GPC5: variants seen among roughly 807,000 people sequenced by gnomAD.
GPC5 encodes glypican-5.
In GPC5, 47 loss-of-function variants were observed where a neutral mutation model predicts 53.9. The observed-to-expected ratio is 0.87, with a 90% CI of 0.69 to 1.11. GPC5 has a LOEUF of 1.11. Ranked by LOEUF, GPC5 falls within the 50% of genes most tolerant of loss-of-function variation. The probability of loss-of-function intolerance (pLI) is 0.00; values close to 1 mark genes in which losing one functional copy is unlikely to be tolerated. For missense variants in GPC5, 748 were observed against 713.1 expected, an observed-to-expected ratio of 1.05 and a Z score of -0.56; for synonymous variants, 286 against 263.3, an observed-to-expected ratio of 1.09 and a Z score of -0.84.
chr13:92,155,742 AT>A (rs2041939987), intron 7 of GPC5, among the ~76,000 whole-genome samples: 1 of 146,826 alleles, frequency 6.8e-6, no homozygotes, highest in Non-Finnish European at 1.5e-5. Flanking sequence ...TTTTGAAGGA[AT>A]TTACATTCTT....
In GPC5 at chr13:92,228,836, T is replaced by A. The variant is rs776223286; in HGVS notation, c.1561+83847T>A. Among the ~76,000 whole-genome samples the A allele has an allele frequency of 4.9e-4, 75 of 152,156 alleles. 1 individual carries two copies. The highest frequency in any genetic ancestry group is 5.4e-4 in the Non-Finnish European group (37 of 68,026). On this transcript the variant is annotated intron_variant, in intron 7 of 7. Transcript: ENST00000377067. ...AAAATAACCAAGCATGGTCCCAGGATAATGTTAACTCCAAGGGAGGTAACC... is the reference window on the plus strand; with the variant it reads ...AAAATAACCAAGCATGGTCCCAGGAAAATGTTAACTCCAAGGGAGGTAACC...
At chr13:92,351,602 G>A (rs551483017) in intron 7 of GPC5, among the ~76,000 whole-genome samples, 1 of 152,046 alleles carries the variant, frequency 6.6e-6, no homozygotes, top group East Asian at 1.9e-4. Context: ...AAACAAAAAA[G>A]AATCCACCTA....
intron 2 of GPC5, among the ~76,000 whole-genome samples, chr13:91,628,291 A>G (rs890792793): frequency 4.6e-5 from 7 of 152,130 alleles, no homozygotes; most frequent in African/African-American, 1.7e-4. Flanking sequence ...ACAATAGTTT[A>G]TAATAATTAC....
intron 7 of GPC5, among the ~76,000 whole-genome samples, chr13:92,145,787 G>A (rs998996231): frequency 6.6e-6 from 1 of 152,084 alleles, no homozygotes; most frequent in African/African-American, 2.4e-5. Context: ...CAAAGGCAGG[G>A]GTCACCTTCT....
intron 7 of GPC5, among the ~76,000 whole-genome samples, chr13:92,737,194 G>A (rs755423933): frequency 1.3e-5 from 2 of 151,912 alleles, no homozygotes; most frequent in Non-Finnish European, 2.9e-5. Context: ...ATCTCTTTAT[G>A]TCTATCACCT....
chr13:92,284,788 C>G (rs2042941941), intron 7 of GPC5, among the ~76,000 whole-genome samples: 1 of 152,132 alleles, frequency 6.6e-6, no homozygotes, highest in Non-Finnish European at 1.5e-5. Flanking sequence ...CAATATCATA[C>G]TGAATGGGCA....
At chr13:91,848,452 G>A (rs1293770175) in intron 5 of GPC5, among the ~76,000 whole-genome samples, 3 of 152,186 alleles carry the variant, frequency 2.0e-5, no homozygotes, top group East Asian at 3.9e-4. Context: ...AATGCAGTGG[G>A]ATAGACATAC....
At chr13:92,156,359 TG>T (rs2138999807) in intron 7 of GPC5, among the ~76,000 whole-genome samples, 1 of 152,290 alleles carries the variant, frequency 6.6e-6, no homozygotes, top group Non-Finnish European at 1.5e-5. Flanking sequence ...ATTATTAGTG[TG>T]GGCATAAATG....
chr13:92,740,936 G>A (rs1160036875), intron 7 of GPC5, among the ~76,000 whole-genome samples: 4 of 105,122 alleles, frequency 3.8e-5, no homozygotes, highest in Non-Finnish European at 8.2e-5. Flanking sequence ...ATGTATGCAT[G>A]TATGTGTGTA....
chr13:92,585,770 T>C (rs1883518400), intron 7 of GPC5, among the ~76,000 whole-genome samples: 1 of 152,152 alleles, frequency 6.6e-6, no homozygotes, highest in Non-Finnish European at 1.5e-5. Context: ...GGTCAGGTCT[T>C]TCCTGTGCTG....
intron 7 of GPC5, among the ~76,000 whole-genome samples, chr13:92,292,436 T>A (rs1166567481): frequency 6.6e-6 from 1 of 152,236 alleles, no homozygotes; most frequent in Non-Finnish European, 1.5e-5. Context: ...TTAGTAATGT[T>A]GCGCATTTTT....
intron 7 of GPC5, among the ~76,000 whole-genome samples, chr13:92,418,586 A>G (rs1876423314): frequency 6.6e-6 from 1 of 152,198 alleles, no homozygotes; most frequent in South Asian, 2.1e-4. Flanking sequence ...AGGTAAAATT[A>G]CAATATATGT....
intron 7 of GPC5, among the ~76,000 whole-genome samples, chr13:92,479,630 C>G (rs1879276921): frequency 6.6e-6 from 1 of 152,076 alleles, no homozygotes; most frequent in African/African-American, 2.4e-5. Flanking sequence ...CTTCTTCTTT[C>G]CATGAGTGTA....
intron 2 of GPC5, among the ~76,000 whole-genome samples, chr13:91,596,752 G>T (rs2033008628): frequency 6.6e-6 from 1 of 152,126 alleles, no homozygotes; most frequent in Admixed American, 6.5e-5. Flanking sequence ...TCTCTCCAGT[G>T]CCCGGTGAAT....
intron 2 of GPC5, among the ~76,000 whole-genome samples, chr13:91,502,220 C>A (rs1884677713): frequency 6.6e-6 from 1 of 151,992 alleles, no homozygotes; most frequent in African/African-American, 2.4e-5. Flanking sequence ...ATGGTAGTTT[C>A]TTTTGCTGTG....
chr13:91,735,030 T>A (rs2140040061), intron 4 of GPC5, among the ~76,000 whole-genome samples: 1 of 151,292 alleles, frequency 6.6e-6, no homozygotes, highest in African/African-American at 2.5e-5. Context: ...ACATTTTTTA[T>A]CTAAGAAAAT....
chr13:92,342,211 A>G (rs570282222), intron 7 of GPC5, among the ~76,000 whole-genome samples: 1 of 152,238 alleles, frequency 6.6e-6, no homozygotes, highest in East Asian at 1.9e-4. Flanking sequence ...GCTTTCGGTC[A>G]TGGTGCCCAC....
At chr13:92,495,771 A>G (rs1211639756) in intron 7 of GPC5, among the ~76,000 whole-genome samples, 1 of 152,142 alleles carries the variant, frequency 6.6e-6, no homozygotes, top group East Asian at 1.9e-4. Context: ...TATAACACTT[A>G]AAAGTGTCTT....
chr13:91,702,279 A>G (rs1252765526), intron 3 of GPC5, among the ~76,000 whole-genome samples: 1 of 152,086 alleles, frequency 6.6e-6, no homozygotes, highest in Admixed American at 6.6e-5. Context: ...TTGGATATGC[A>G]TAGCATTTTA....
Sources: gnomAD v4.1 joint callset for allele counts (sites outside exome capture counted in the v4.1 genomes callset) on GRCh38, gnomAD v4.1.1 for gene constraint, MANE v1.5 for transcripts, NCBI Gene and HGNC (gene_info 2026-07-23, HGNC 2026-07-21) for gene names.